Variants in SF3B3 observed in about 807,000 individuals in gnomAD.
SF3B3 encodes the protein SAP 130.
A neutral mutation model predicts 139.2 loss-of-function variants in SF3B3; 33 were observed. The ratio of observed to expected loss-of-function variants is 0.24; its 90% confidence interval spans 0.18 to 0.32. The LOEUF (loss-of-function observed/expected upper bound fraction) is 0.32, where lower values mean the gene tolerates loss of function less well. Among genes scored for constraint, SF3B3 ranks in the 10% least tolerant of loss-of-function variants. SF3B3 has a pLI of 1.00. For missense variants in SF3B3, 818 were observed against 1,509.4 expected, an observed-to-expected ratio of 0.54 and a Z score of 7.59; for synonymous variants, 596 against 563.6, an observed-to-expected ratio of 1.06 and a Z score of -0.81.
Position 70,532,497 on chromosome 16 carries a change from A to G in SF3B3, c.589A>G (p.Thr197Ala). ...MDYEEADNDP[T>A]GEAAANTQQT... ...TCTGTAGGAAGCAGACAATGATCCA[A>G]CAGGGGAAGCAGCAGCTAATACCCA... is the stretch of plus-strand genomic sequence containing the variant. The change falls in exon 5 of 26, where the codon ACA becomes GCA. Residue 197 changes from threonine (T) to alanine (A), a missense_variant. Coordinates refer to ENST00000302516, the MANE Select transcript of SF3B3 (RefSeq NM_012426.5). The G allele has an allele frequency of 3.7e-6, 6 of 1,614,154 alleles. No individual in the cohort carries two copies. The highest frequency in any genetic ancestry group is 5.1e-6 in the Non-Finnish European group (6 of 1,180,004).
rs2050563912 is a variant in SF3B3 at position 70,574,997 on chromosome 16, G to C, written c.*3184G>C. Reference sequence around the variant, plus strand: ...AACGTCACAACGGAGGAAAGGAATAGATGGCTCTCGAGGACAAGATAGGGA... The same window carrying C: ...AACGTCACAACGGAGGAAAGGAATACATGGCTCTCGAGGACAAGATAGGGA... On this transcript the variant is annotated 3_prime_UTR_variant, in exon 26 of 26. Transcript: ENST00000302516. 6.6e-6 allele frequency: 1 copy of C among 152,120 alleles called. No homozygotes were observed. Among genetic ancestry groups the C allele is most frequent in the South Asian group, 2.1e-4 (1 of 4,820 alleles). The allele number at this position is 152,120 out of a possible 1,614,324, so 9.4% of individuals were successfully genotyped here.
At chr16:70,571,238 G>T (rs1313388619) in intron 25 of SF3B3, 39 bp downstream of exon 25, 1 of 1,420,734 alleles carries the variant, frequency 7.0e-7, no homozygotes, top group East Asian at 2.3e-5. Context: ...GGAGATCTGA[G>T]AAAGGAGCAG....
chr16:70,541,871 TAA>T, intron 9 of SF3B3, 37 bp downstream of exon 9: 1 of 1,568,908 alleles, frequency 6.4e-7, no homozygotes, highest in East Asian at 2.3e-5. Context: ...ACAATAGATC[TAA>T]AGTTAAACTG....
Position 70,574,092 on chromosome 16 carries a change from T to G in SF3B3, c.*2279T>G, listed in dbSNP as rs976857538. 1 of 152,198 alleles carries G rather than the reference T, an allele frequency of 6.6e-6. No homozygotes were observed. 9.4% of individuals were successfully genotyped at this position (152,198 alleles called of 1,614,324 possible). A position where few individuals can be genotyped will look rare whatever the true frequency, so the allele number is the denominator to read the frequency against. ...TGCTGTTCCCACGCTGCTGCCTTTC[T>G]TGAGCTTGTTAGAGGAAAGCCAGAA... On this transcript the variant is annotated 3_prime_UTR_variant, in exon 26 of 26. Transcript: ENST00000302516.
chr16:70,571,707 A>G lies in SF3B3; in HGVS notation c.3548A>G (p.Asn1183Ser), dbSNP rs1365436228. ...GATGGAGACCTCTGTGAGCAGTTCA[A>G]TTCCATGGAACCCAACAAACAAAAG... ...VIDGDLCEQF[N>S]SMEPNKQKNV... is the part of the protein sequence containing the mutation. The change falls in exon 26 of 26, where the codon AAT (asparagine) becomes AGT (serine). Residue 1183 changes from asparagine to serine, a missense_variant. Physicochemically the swap from Asn to Ser is conservative, Grantham distance 46. This residue lies in a region of SF3B3 where 28 missense variants were observed against 59.1 expected (regional missense o/e 0.47). Transcript: ENST00000302516. 6 of 1,614,038 alleles carry G rather than the reference A, an allele frequency of 3.7e-6. No homozygotes were observed. The highest frequency in any genetic ancestry group is 2.7e-5 in the African/African-American group (2 of 74,910).
chr16:70,545,612 A>G (rs2050260732), intron 10 of SF3B3, among the ~76,000 whole-genome samples: 2 of 152,200 alleles, frequency 1.3e-5, no homozygotes, highest in African/African-American at 4.8e-5. Flanking sequence ...GCGCTTGGGA[A>G]TGGCAATCTG....
rs1390764372 is a variant in SF3B3 at position 70,526,631 on chromosome 16, C to T, written c.-26C>T. ...GTTGGTGTAACCAAGGCCTGGAGGTCTGGGTGGCTCAGGTTTCCTGCAGCC... is the reference window on the plus strand; with the variant it reads ...GTTGGTGTAACCAAGGCCTGGAGGTTTGGGTGGCTCAGGTTTCCTGCAGCC... On this transcript the variant is annotated 5_prime_UTR_variant, in exon 2 of 26. Coordinates refer to ENST00000302516, the MANE Select transcript of SF3B3 (RefSeq NM_012426.5). The T allele has an allele frequency of 6.2e-7, 1 of 1,600,418 alleles. No homozygotes were observed. The highest frequency in any genetic ancestry group is 2.2e-5 in the East Asian group (1 of 44,774).
intron 20 of SF3B3, among the ~76,000 whole-genome samples, chr16:70,566,416 G>T (rs2050477400): frequency 6.6e-6 from 1 of 151,840 alleles, no homozygotes. Flanking sequence ...TAAAAAATCA[G>T]CCAAGCATGG....
Position 70,563,885 on chromosome 16 carries a change from A to G in SF3B3, c.2298A>G (p.Ala766=), listed in dbSNP as rs1490901348. Residue 766 remains alanine, a synonymous_variant, in exon 18 of 26, where the codon GCA becomes GCG. Coordinates refer to ENST00000302516, the MANE Select transcript of SF3B3 (RefSeq NM_012426.5). ...TGCTTTTTTGTCATAGGATTTTGGCATTAGAGAAGCTCGGTGCTGTCTTCA... is the reference window on the plus strand; with the variant it reads ...TGCTTTTTTGTCATAGGATTTTGGCGTTAGAGAAGCTCGGTGCTGTCTTCA... ...AISTNTLRIL[A]LEKLGAVFNQ... 1.2e-6 allele frequency: 2 copies of G among 1,613,866 alleles called. No homozygotes were observed. Among genetic ancestry groups the G allele is most frequent in the South Asian group, 2.2e-5 (2 of 90,982 alleles).
intron 15 of SF3B3, among the ~76,000 whole-genome samples, chr16:70,557,764 G>A (rs1010940724): frequency 1.3e-5 from 2 of 151,968 alleles, no homozygotes; most frequent in African/African-American, 2.4e-5. Context: ...ACATTCTGCT[G>A]TTCTTATTTT....
At position 70,557,005 on chromosome 16, in the gene SF3B3, C is replaced by A; in HGVS notation, c.1986C>A (p.Phe662Leu). The A allele has an allele frequency of 6.2e-7, 1 of 1,612,470 alleles. No homozygotes were observed. Among genetic ancestry groups the A allele is most frequent in the Non-Finnish European group, 8.5e-7 (1 of 1,179,466 alleles). ...DELGERGSIG[F>L]LYLNIGLQNG... Reference sequence around the variant, plus strand: ...TGGGTGAGAGGGGCTCGATTGGCTTCCTATACCTGAATATTGGGCTACAGG... The same window carrying A: ...TGGGTGAGAGGGGCTCGATTGGCTTACTATACCTGAATATTGGGCTACAGG... Residue 662 changes from phenylalanine to leucine, a missense_variant, in exon 15 of 26, where the codon TTC becomes TTA. By Grantham distance (22) the Phe-to-Leu change is conservative (BLOSUM62 0). Coordinates refer to ENST00000302516, the MANE Select transcript of SF3B3 (RefSeq NM_012426.5).
intron 11 of SF3B3, 96 bp downstream of exon 11, chr16:70,548,538 C>G: frequency 9.5e-7 from 1 of 1,057,110 alleles, no homozygotes; most frequent in Non-Finnish European, 1.4e-6. Flanking sequence ...TGTATCATTT[C>G]ATTTAGCACC....
Position 70,568,319 on chromosome 16 carries a change from G to A in SF3B3, c.2989G>A (p.Gly997Arg). The A allele has an allele frequency of 6.2e-7, 1 of 1,613,088 alleles. No homozygotes were observed. The change falls in exon 22 of 26, where the codon GGA becomes AGA. Residue 997 changes from glycine to arginine, a missense_variant. Gly to Arg is a moderately radical substitution (Grantham distance 125). Transcript: ENST00000302516. ...TTATATCTCTGGGATCCAGACTATC[G>A]GACATAGGGTAATTGTATCTGATGT... is the stretch of plus-strand genomic sequence containing the variant. Reference protein sequence around the residue: ...ANYISGIQTIGHRVIVSDVQE... With the variant: ...ANYISGIQTIRHRVIVSDVQE...
At chr16:70,545,093 C>T (rs941531486) in intron 10 of SF3B3, among the ~76,000 whole-genome samples, 5 of 152,052 alleles carry the variant, frequency 3.3e-5, no homozygotes, top group Non-Finnish European at 7.4e-5. Context: ...GAGATGGGGT[C>T]CCACTCTGTC....
rs749436724 is a variant in SF3B3 at position 70,567,452 on chromosome 16, G to A, written c.2868G>A (p.Gln956=). 1.2e-4 allele frequency: 186 copies of A among 1,613,952 alleles called. No individual in the cohort carries two copies. Among genetic ancestry groups the A allele is most frequent in the Non-Finnish European group, 1.5e-4 (181 of 1,179,960 alleles). The change falls in exon 21 of 26, where the codon CAG becomes CAA. Residue 956 remains glutamine (Q), a synonymous_variant. Coordinates refer to ENST00000302516, the MANE Select transcript of SF3B3 (RefSeq NM_012426.5). The part of the protein sequence containing the change: ...EEVPAAIAPF[Q]GRVLIGVGKL... The stretch of plus-strand genomic sequence containing the variant: ...TCCCTGCTGCTATTGCCCCATTCCA[G>A]GGGAGGGTGTTGATTGGTGTGGGGA...
intron 10 of SF3B3, among the ~76,000 whole-genome samples, chr16:70,546,889 G>A (rs866760529): frequency 6.6e-6 from 1 of 152,028 alleles, no homozygotes; most frequent in African/African-American, 2.4e-5. Context: ...TTAGCCAGGC[G>A]TGGTGGCGGG....
intron 10 of SF3B3, among the ~76,000 whole-genome samples, chr16:70,545,555 A>C (rs182258851): frequency 2.0e-5 from 3 of 152,298 alleles, no homozygotes; most frequent in Admixed American, 1.3e-4. Context: ...CTGAACTTGA[A>C]CTTGTTAGGA....
chr16:70,556,477 T>C, intron 14 of SF3B3, 143 bp downstream of exon 14: 1 of 834,510 alleles, frequency 1.2e-6, no homozygotes, highest in Non-Finnish European at 1.9e-6. Context: ...GCTGCTTCTC[T>C]TGTCATTGCA....
At chr16:70,563,809 G>A in intron 17 of SF3B3, 67 bp from the exon 18 acceptor site, 2 of 1,504,160 alleles carry the variant, frequency 1.3e-6, no homozygotes, top group African/African-American at 1.4e-5. Context: ...ACTGCTCAAA[G>A]TCTATTTCAA....
Sources: gnomAD v4.1 joint callset for allele counts (sites outside exome capture counted in the v4.1 genomes callset) on GRCh38, gnomAD v4.1.1 for gene constraint, gnomAD v4.1.1 regional missense constraint, MANE v1.5 for transcripts, NCBI Gene and HGNC (gene_info 2026-07-23, HGNC 2026-07-21) for gene names.